ACSM3: variants seen among roughly 807,000 people sequenced by gnomAD.
The protein encoded by ACSM3 is acyl-CoA synthetase medium chain family member 3, also known as acyl-coenzyme A synthetase ACSM3, mitochondrial.
A neutral mutation model predicts 74.1 loss-of-function variants in ACSM3; 61 were observed. The ratio of observed to expected loss-of-function variants is 0.82; its 90% CI spans 0.67 to 1.02. The LOEUF (loss-of-function observed/expected upper bound fraction) is 1.02. Ranked by LOEUF, ACSM3 falls within the 50% of genes least tolerant of loss-of-function variation. ACSM3 has a pLI of 0.00. For missense variants in ACSM3, 660 were observed against 697.0 expected (o/e 0.95, Z 0.60); for synonymous variants, 213 against 241.5 (o/e 0.88, Z 1.09).
chr16:20,756,955 C>T (rs1479035795), intron 3 of ACSM3, among the ~76,000 whole-genome samples: 17 of 151,726 alleles, frequency 1.1e-4, no homozygotes, highest in South Asian at 4.2e-4. Flanking sequence ...ACATATGCGG[C>T]GTTATTTCTG....
chr16:20,737,078 T>G, intron 1 of ACSM3: 1 of 1,614,212 alleles, frequency 6.2e-7, no homozygotes, highest in South Asian at 1.1e-5. Flanking sequence ...CAGATTCCAG[T>G]TTAGCTTCTT....
chr16:20,678,522 A>G (rs2152297020), intron 1 of ACSM3, among the ~76,000 whole-genome samples: 1 of 152,328 alleles, frequency 6.6e-6, no homozygotes, highest in African/African-American at 2.4e-5. Context: ...GGCTATCAGT[A>G]CATGTTGGTG....
At chr16:20,781,590 G>A (rs751538006) in intron 6 of ACSM3, 118 bp from the exon 7 acceptor site, 44 of 812,050 alleles carry the variant, frequency 5.4e-5, no homozygotes, top group Non-Finnish European at 8.4e-5. Context: ...ACAAGAAAAG[G>A]TAAGAATGTA....
At chr16:20,707,099 G>A (rs1331104246) in intron 1 of ACSM3, among the ~76,000 whole-genome samples, 1 of 152,046 alleles carries the variant, frequency 6.6e-6, no homozygotes, top group African/African-American at 2.4e-5. Context: ...CTCAGCTGAG[G>A]TCTAAGAGCA....
chr16:20,713,833 CA>C (rs2079751976), intron 1 of ACSM3, among the ~76,000 whole-genome samples: 1 of 152,050 alleles, frequency 6.6e-6, no homozygotes, highest in Non-Finnish European at 1.5e-5. Context: ...GCCATAACTC[CA>C]AAAAGGGCAC....
At chr16:20,748,596 C>T (rs560124817) in intron 1 of ACSM3, among the ~76,000 whole-genome samples, 2 of 152,274 alleles carry the variant, frequency 1.3e-5, no homozygotes, top group African/African-American at 4.8e-5. Flanking sequence ...TTTGTTGTAG[C>T]TGTTGCTAAC....
intron 1 of ACSM3, chr16:20,736,870 A>G: frequency 6.2e-7 from 1 of 1,611,664 alleles, no homozygotes; most frequent in Non-Finnish European, 8.5e-7. Flanking sequence ...CTCCAACACC[A>G]AATGACTTCC....
intron 1 of ACSM3, chr16:20,681,043 G>A (rs921501106): frequency 6.6e-6 from 1 of 152,190 alleles, no homozygotes; most frequent in African/African-American, 2.4e-5. Context: ...TAGGAGACTG[G>A]AAAGATAATG....
chr16:20,711,429 A>G (rs2079743491), intron 1 of ACSM3: 3 of 823,746 alleles, frequency 3.6e-6, no homozygotes, highest in Non-Finnish European at 5.6e-6. Flanking sequence ...CCGTCCACAG[A>G]GTCTCACTTA....
exon 1 of ACSM3, chr16:20,674,822 G>A (rs755304192): frequency 3.3e-5 from 5 of 152,382 alleles, no homozygotes; most frequent in South Asian, 4.1e-4. Context: ...CAGGAACCGC[G>A]GTAAGGAGAA....
chr16:20,730,029 C>T (rs1416412962), intron 1 of ACSM3, among the ~76,000 whole-genome samples: 1 of 152,178 alleles, frequency 6.6e-6, no homozygotes, highest in Non-Finnish European at 1.5e-5. Context: ...TTTCAAGTAA[C>T]TCTCAGGACT....
intron 1 of ACSM3, among the ~76,000 whole-genome samples, chr16:20,690,050 T>G (rs866582202): frequency 2.6e-5 from 4 of 152,234 alleles, no homozygotes; most frequent in Admixed American, 1.3e-4. Flanking sequence ...ATGCTCTCTG[T>G]AACTGAGGGT....
At chr16:20,719,093 G>C (rs551971394) in intron 1 of ACSM3, 1 of 153,428 alleles carries the variant, frequency 6.5e-6, no homozygotes, top group Non-Finnish European at 1.5e-5. Context: ...CTGTCAACTT[G>C]CCTGGGGCTT....
chr16:20,770,307 C>T (rs1018290030), intron 2 of ACSM3, 54 bp downstream of exon 2: 30 of 1,444,900 alleles, frequency 2.1e-5, no homozygotes, highest in African/African-American at 8.5e-5. Flanking sequence ...GTGATTTTAC[C>T]CCTAGGTAAC....
At chr16:20,737,599 T>C in intron 1 of ACSM3, 2 of 1,113,922 alleles carry the variant, frequency 1.8e-6, no homozygotes, top group Non-Finnish European at 2.5e-6. Flanking sequence ...TTTAATATAT[T>C]TGTTCTACAC....
chr16:20,737,411 C>T, intron 1 of ACSM3: 1 of 967,902 alleles, frequency 1.0e-6, no homozygotes, highest in South Asian at 2.0e-5. Flanking sequence ...TCTATGTGGA[C>T]TTCAAATAAT....
chr16:20,790,896 C>A lies in ACSM3; in HGVS notation c.1326+208C>A. ...GCATGCTGGTCCCCTGAGGCCAGATCACTGTTCCAGGTCCACGAAGGCAAG... is the reference window on the plus strand; with the variant it reads ...GCATGCTGGTCCCCTGAGGCCAGATAACTGTTCCAGGTCCACGAAGGCAAG... On this transcript the variant is annotated intron_variant, in intron 10 of 13. Transcript: ENST00000289416. The surrounding 1 kb of genome is among the most constrained non-coding windows in gnomAD (Gnocchi z 4.0). 1 of 1,614,062 alleles carries A rather than the reference C, an allele frequency of 6.2e-7. No homozygotes were observed. Among genetic ancestry groups the A allele is most frequent in the Non-Finnish European group, 8.5e-7 (1 of 1,179,982 alleles).
intron 1 of ACSM3, among the ~76,000 whole-genome samples, chr16:20,724,936 C>T (rs1395786280): frequency 2.6e-5 from 4 of 152,124 alleles, no homozygotes; most frequent in African/African-American, 2.4e-5. Context: ...GAAACAATAT[C>T]GTGAAAATGG....
chr16:20,721,270 G>T (rs1010728437), intron 1 of ACSM3: 16 of 152,262 alleles, frequency 1.1e-4, no homozygotes, highest in Admixed American at 8.5e-4. Context: ...CATATGAATA[G>T]TATAGCTTTA....
Sources: allele counts gnomAD v4.1 joint callset (sites outside exome capture counted in the v4.1 genomes callset), GRCh38; gene constraint gnomAD v4.1.1; non-coding constraint Gnocchi (gnomAD v3.1); transcripts MANE v1.5; gene names NCBI Gene and HGNC (gene_info 2026-07-23, HGNC 2026-07-21).